Variants in PDZRN4 observed in about 807,000 individuals in gnomAD.
PDZRN4 encodes the protein PDZ domain containing ring finger 4.
PDZRN4 carries 70 observed loss-of-function variants against 99.0 expected under a neutral mutation model. That is an observed-to-expected ratio of 0.71 (90% confidence interval 0.58 to 0.86). The LOEUF (loss-of-function observed/expected upper bound fraction) is 0.86, where lower values mean the gene tolerates loss of function less well. PDZRN4 is among the 40% of genes least tolerant of loss of function. The pLI, the probability that PDZRN4 is intolerant of heterozygous loss-of-function variation, is 0.00. For missense variants in PDZRN4, 1,474 were observed against 1,331.2 expected (o/e 1.11, Z -1.67); for synonymous variants, 551 against 501.6 (o/e 1.10, Z -1.32).
chr12:41,239,941 C>A (rs756821309), intron 3 of PDZRN4, among the ~76,000 whole-genome samples: 4 of 152,096 alleles, frequency 2.6e-5, no homozygotes, highest in Non-Finnish European at 4.4e-5. Flanking sequence ...CTGATATATC[C>A]ATTATGAGAA....
intron 3 of PDZRN4, among the ~76,000 whole-genome samples, chr12:41,400,328 G>T (rs1952280889): frequency 6.6e-6 from 1 of 152,066 alleles, no homozygotes; most frequent in East Asian, 1.9e-4. Context: ...GGGTAGTCAG[G>T]GAATGATATA....
At chr12:41,554,944 C>T (rs765071170) in intron 6 of PDZRN4, among the ~76,000 whole-genome samples, 47 of 150,844 alleles carry the variant, frequency 3.1e-4, no homozygotes, top group Admixed American at 2.0e-4. Flanking sequence ...CGCGGTGGCT[C>T]ACGCCTGTAA....
At chr12:41,544,091 A>C (rs200466854) in intron 5 of PDZRN4, among the ~76,000 whole-genome samples, 1 of 152,232 alleles carries the variant, frequency 6.6e-6, no homozygotes, top group African/African-American at 2.4e-5. Context: ...ATTATTCACA[A>C]ATCATTTAGA....
chr12:41,385,206 G>A (rs1378916704), intron 3 of PDZRN4, among the ~76,000 whole-genome samples: 2 of 152,180 alleles, frequency 1.3e-5, no homozygotes, highest in Non-Finnish European at 2.9e-5. Context: ...TCAGGTGATA[G>A]GAAATTCTGG....
At chr12:41,309,361 T>A (rs566332292) in intron 3 of PDZRN4, among the ~76,000 whole-genome samples, 2 of 152,060 alleles carry the variant, frequency 1.3e-5, no homozygotes, top group Non-Finnish European at 2.9e-5. Context: ...TGTCATTCCA[T>A]GGCAGAAGGA....
intron 3 of PDZRN4, among the ~76,000 whole-genome samples, chr12:41,198,924 A>G (rs1950796558): frequency 6.6e-6 from 1 of 151,916 alleles, no homozygotes; most frequent in Non-Finnish European, 1.5e-5. Flanking sequence ...GTAATGTTAT[A>G]CCTCTGCATT....
chr12:41,356,790 T>C (rs780840481), intron 3 of PDZRN4, among the ~76,000 whole-genome samples: 40 of 151,966 alleles, frequency 2.6e-4, no homozygotes, highest in Non-Finnish European at 2.6e-4. Context: ...ACTGAGTCAA[T>C]TTTATCTTTG....
At chr12:41,193,620 T>C (rs1423983714) in intron 2 of PDZRN4, among the ~76,000 whole-genome samples, 6 of 152,208 alleles carry the variant, frequency 3.9e-5, no homozygotes, top group Non-Finnish European at 7.4e-5. Flanking sequence ...ACTAGAGCTA[T>C]GTTTCTAAAT....
At chr12:41,516,440 G>A (rs1045916243) in intron 5 of PDZRN4, among the ~76,000 whole-genome samples, 1 of 152,016 alleles carries the variant, frequency 6.6e-6, no homozygotes, top group African/African-American at 2.4e-5. Flanking sequence ...TTGGGGGAGA[G>A]GAGAAGAAGG....
At chr12:41,502,274 A>G (rs78243388) in intron 3 of PDZRN4, among the ~76,000 whole-genome samples, 11,150 of 152,156 alleles carry the variant, frequency 0.073, 988 homozygotes, top group African/African-American at 0.19. Context: ...AATCAGTCTG[A>G]GCCACAGCTA....
intron 3 of PDZRN4, among the ~76,000 whole-genome samples, chr12:41,386,614 G>A (rs548263522): frequency 6.6e-6 from 1 of 152,130 alleles, no homozygotes; most frequent in East Asian, 1.9e-4. Context: ...ATAGAACTAG[G>A]AAAAACTATT....
At chr12:41,505,673 G>A (rs1938194370) in intron 3 of PDZRN4, among the ~76,000 whole-genome samples, 1 of 151,884 alleles carries the variant, frequency 6.6e-6, no homozygotes, top group Admixed American at 6.5e-5. Context: ...GAGGACAAAG[G>A]GAGACTTCAC....
intron 3 of PDZRN4, among the ~76,000 whole-genome samples, chr12:41,417,425 A>G (rs1030946531): frequency 1.3e-5 from 2 of 151,960 alleles, no homozygotes; most frequent in Non-Finnish European, 1.5e-5. Context: ...TAGGAGATTT[A>G]TATGATGATG....
At chr12:41,200,807 T>G (rs764494950) in intron 3 of PDZRN4, among the ~76,000 whole-genome samples, 2 of 152,152 alleles carry the variant, frequency 1.3e-5, no homozygotes, top group Non-Finnish European at 2.9e-5. Flanking sequence ...CTGTCTTTCT[T>G]ATTCCCCTGC....
intron 5 of PDZRN4, among the ~76,000 whole-genome samples, chr12:41,514,896 G>T (rs1484856635): frequency 4.6e-5 from 7 of 152,192 alleles, no homozygotes; most frequent in African/African-American, 1.7e-4. Context: ...CATAAGTAAT[G>T]TAGTAGAAAG....
intron 3 of PDZRN4, among the ~76,000 whole-genome samples, chr12:41,250,980 T>C (rs1715322183): frequency 6.6e-6 from 1 of 152,220 alleles, no homozygotes; most frequent in African/African-American, 2.4e-5. Flanking sequence ...AGCCAACTTT[T>C]GGTAGTCATT....
intron 3 of PDZRN4, among the ~76,000 whole-genome samples, chr12:41,292,280 T>C (rs1951461385): frequency 6.6e-6 from 1 of 152,160 alleles, no homozygotes; most frequent in South Asian, 2.1e-4. Context: ...AAAATCTTTA[T>C]GAAAGGGGAG....
intron 3 of PDZRN4, among the ~76,000 whole-genome samples, chr12:41,479,364 T>G (rs1043199140): frequency 3.3e-5 from 5 of 152,248 alleles, no homozygotes; most frequent in Admixed American, 3.3e-4. Context: ...TATGATACTA[T>G]GTATCCATTC....
At chr12:41,362,544 T>G (rs114553540) in intron 3 of PDZRN4, among the ~76,000 whole-genome samples, 34 of 152,106 alleles carry the variant, frequency 2.2e-4, no homozygotes, top group African/African-American at 7.2e-4. Context: ...AGAAAGAAAA[T>G]CTATTCTTTC....
Sources: allele counts gnomAD v4.1 joint callset (sites outside exome capture counted in the v4.1 genomes callset), GRCh38; gene constraint gnomAD v4.1.1; transcripts MANE v1.5; gene names NCBI Gene and HGNC (gene_info 2026-07-23, HGNC 2026-07-21).